CFAP299: variants seen among roughly 807,000 people sequenced by gnomAD.
The protein encoded by CFAP299 is cilia and flagella associated protein 299, also known as cilia- and flagella-associated protein 299.
A neutral mutation model predicts 27.0 loss-of-function variants in CFAP299; 21 were observed. The observed-to-expected ratio is 0.78, with a 90% CI of 0.55 to 1.12. The LOEUF (loss-of-function observed/expected upper bound fraction) is 1.12, where lower values mean the gene tolerates loss of function less well. Among genes scored for constraint, CFAP299 ranks in the 50% most tolerant of loss-of-function variants. CFAP299 has a pLI of 0.00. For synonymous variants in CFAP299, 104 were observed against 98.1 expected (o/e 1.06, Z -0.36); for missense variants, 310 against 276.6 (o/e 1.12, Z -0.86).
At chr4:80,825,456 T>C (rs528979096) in intron 3 of CFAP299, among the ~76,000 whole-genome samples, 3 of 152,144 alleles carry the variant, frequency 2.0e-5, no homozygotes, top group Non-Finnish European at 4.4e-5. Context: ...GTAATCAAAC[T>C]GTTGCCAGCC....
intron 3 of CFAP299, among the ~76,000 whole-genome samples, chr4:80,594,394 C>T (rs1173512823): frequency 6.6e-6 from 1 of 152,174 alleles, no homozygotes; most frequent in Non-Finnish European, 1.5e-5. Flanking sequence ...TACCTCATGC[C>T]AGGGTCCTTC....
intron 2 of CFAP299, among the ~76,000 whole-genome samples, chr4:80,457,863 C>T (rs1729243450): frequency 6.6e-6 from 1 of 152,154 alleles, no homozygotes; most frequent in Admixed American, 6.5e-5. Context: ...GGGCTTGTAG[C>T]TCACTGTTGA....
chr4:80,413,660 A>G (rs1395362529), intron 2 of CFAP299, among the ~76,000 whole-genome samples: 1 of 151,946 alleles, frequency 6.6e-6, no homozygotes, highest in Non-Finnish European at 1.5e-5. Context: ...CAAGAGTCCA[A>G]GACCTCAAAG....
intron 2 of CFAP299, among the ~76,000 whole-genome samples, chr4:80,566,970 A>C (rs886392362): frequency 6.6e-6 from 1 of 152,006 alleles, no homozygotes; most frequent in Non-Finnish European, 1.5e-5. Context: ...AGGAGTTCAG[A>C]GACAATTTCT....
At chr4:80,941,342 C>T (rs1737185256) in intron 4 of CFAP299, among the ~76,000 whole-genome samples, 1 of 152,064 alleles carries the variant, frequency 6.6e-6, no homozygotes, top group South Asian at 2.1e-4. Flanking sequence ...CAGAAATTTG[C>T]CATGGATCTC....
At chr4:80,924,033 T>A (rs978124434) in intron 4 of CFAP299, among the ~76,000 whole-genome samples, 1 of 151,940 alleles carries the variant, frequency 6.6e-6, no homozygotes, top group African/African-American at 2.4e-5. Flanking sequence ...AAGGGAGAGA[T>A]GAAACTGATG....
At chr4:80,502,435 C>A (rs1414329936) in intron 2 of CFAP299, among the ~76,000 whole-genome samples, 3 of 152,042 alleles carry the variant, frequency 2.0e-5, no homozygotes, top group African/African-American at 7.2e-5. Context: ...GTTCAAGTTG[C>A]AGATTTCCTT....
At chr4:80,831,449 C>T (rs1041073648) in intron 3 of CFAP299, among the ~76,000 whole-genome samples, 6 of 152,076 alleles carry the variant, frequency 3.9e-5, no homozygotes, top group African/African-American at 9.7e-5. Flanking sequence ...TTTTCTTAAA[C>T]TTCCCAACGA....
At chr4:80,867,478 C>T (rs1732811611) in intron 3 of CFAP299, among the ~76,000 whole-genome samples, 1 of 152,070 alleles carries the variant, frequency 6.6e-6, no homozygotes, top group Admixed American at 6.6e-5. Context: ...TGTGAGTTTG[C>T]TAAGGCTGAC....
chr4:80,442,768 T>C (rs1158261728), intron 2 of CFAP299, among the ~76,000 whole-genome samples: 1 of 151,932 alleles, frequency 6.6e-6, no homozygotes, highest in Non-Finnish European at 1.5e-5. Flanking sequence ...TTTGAAAAGA[T>C]TAACAAAATA....
chr4:80,714,322 T>C (rs1227448419), intron 3 of CFAP299, among the ~76,000 whole-genome samples: 1 of 152,124 alleles, frequency 6.6e-6, no homozygotes, highest in Non-Finnish European at 1.5e-5. Flanking sequence ...TATGAGATGA[T>C]GAATTTAAAC....
the CFAP299 span, among the ~76,000 whole-genome samples, chr4:80,328,568 A>G: frequency 6.6e-6 from 1 of 151,968 alleles, no homozygotes; most frequent in African/African-American, 2.4e-5. Context: ...GAAGATGACA[A>G]TTTTGAATAG....
chr4:80,870,426 A>C, intron 4 of CFAP299: 1 of 1,055,212 alleles, frequency 9.5e-7, no homozygotes, highest in Non-Finnish European at 1.1e-6. Context: ...AGGCTTTTGC[A>C]GCACTTGGGA....
intron 3 of CFAP299, among the ~76,000 whole-genome samples, chr4:80,694,801 A>G (rs1345848087): frequency 2.6e-5 from 4 of 152,210 alleles, no homozygotes; most frequent in African/African-American, 7.2e-5. Context: ...TTTGTTTTTG[A>G]TGTGTATTGA....
chr4:80,590,060 GGTT>G (rs568902434), intron 3 of CFAP299, among the ~76,000 whole-genome samples: 39 of 152,042 alleles, frequency 2.6e-4, no homozygotes, highest in Non-Finnish European at 4.9e-4. Context: ...CATAAGAACA[GGTT>G]GTTGTCCATT....
intron 2 of CFAP299, among the ~76,000 whole-genome samples, chr4:80,553,477 T>A (rs186675215): frequency 2.0e-5 from 3 of 152,310 alleles, no homozygotes; most frequent in Middle Eastern, 3.4e-3. Context: ...CTGTCGTGTG[T>A]GTGTCTCTAT....
At chr4:80,622,589 T>C (rs1421374815) in intron 3 of CFAP299, among the ~76,000 whole-genome samples, 3 of 152,208 alleles carry the variant, frequency 2.0e-5, no homozygotes, top group African/African-American at 7.2e-5. Context: ...AATATGTTTC[T>C]AATAATAACT....
intron 4 of CFAP299, among the ~76,000 whole-genome samples, chr4:80,898,639 G>C (rs892110982): frequency 2.0e-5 from 3 of 151,998 alleles, no homozygotes; most frequent in Non-Finnish European, 4.4e-5. Context: ...GTCTCCTGTT[G>C]CTATCAAAAT....
chr4:80,693,831 T>C (rs1158693310), intron 3 of CFAP299, among the ~76,000 whole-genome samples: 1 of 151,588 alleles, frequency 6.6e-6, no homozygotes, highest in Non-Finnish European at 1.5e-5. Context: ...TAAAGCAATG[T>C]CATCTGTTAA....
Sources: allele counts gnomAD v4.1 joint callset (sites outside exome capture counted in the v4.1 genomes callset), GRCh38; gene constraint gnomAD v4.1.1; transcripts MANE v1.5; gene names NCBI Gene and HGNC (gene_info 2026-07-23, HGNC 2026-07-21).